ZFTRAF1: variants seen among roughly 807,000 people sequenced by gnomAD.
The protein encoded by ZFTRAF1 is zinc finger TRAF-type-containing protein 1.
chr8:144,459,674 C>T, the ZFTRAF1 span, among the ~76,000 whole-genome samples: 1 of 152,232 alleles, frequency 6.6e-6, no homozygotes, highest in Non-Finnish European at 1.5e-5. Context: ...GAGGACCCAG[C>T]CAATTCCAGA....
the ZFTRAF1 span, chr8:144,450,668 C>T: frequency 1.4e-6 from 1 of 717,860 alleles, no homozygotes; most frequent in Non-Finnish European, 2.6e-6. Context: ...GTCGTTGACT[C>T]GAGCCTTCAG....
the ZFTRAF1 span, among the ~76,000 whole-genome samples, chr8:144,458,352 T>C: frequency 1.3e-5 from 2 of 152,248 alleles, no homozygotes; most frequent in African/African-American, 4.8e-5. Context: ...TAGCCAGAGA[T>C]TCCAGAACAT....
chr8:144,460,540 G>A, the ZFTRAF1 span, among the ~76,000 whole-genome samples: 1 of 152,232 alleles, frequency 6.6e-6, no homozygotes, highest in South Asian at 2.1e-4. Flanking sequence ...CTGTTCCCCC[G>A]TGGCCTCACA....
chr8:144,452,286 G>T, the ZFTRAF1 span: 1 of 1,492,730 alleles, frequency 6.7e-7, no homozygotes, highest in Non-Finnish European at 9.0e-7. Flanking sequence ...AGAGCCTGCT[G>T]CCCCCAGACT....
the ZFTRAF1 span, chr8:144,450,789 C>A: frequency 1.5e-6 from 1 of 678,286 alleles, no homozygotes. Context: ...ACAGACAGGG[C>A]CGGAAAGAGC....
the ZFTRAF1 span, among the ~76,000 whole-genome samples, chr8:144,458,975 C>T: frequency 1.2e-4 from 19 of 152,360 alleles, no homozygotes; most frequent in African/African-American, 2.2e-4. Context: ...GGGAACAATG[C>T]GCAGTCCCTT....
chr8:144,461,026 A>G, the ZFTRAF1 span, among the ~76,000 whole-genome samples: 2 of 152,198 alleles, frequency 1.3e-5, no homozygotes, highest in East Asian at 3.8e-4. Context: ...GTGGCTCTGA[A>G]AAGTGCTCCC....
chr8:144,459,071 A>C, the ZFTRAF1 span, among the ~76,000 whole-genome samples: 4 of 152,208 alleles, frequency 2.6e-5, no homozygotes, highest in Non-Finnish European at 5.9e-5. Context: ...GCAGCATCAC[A>C]CTGGGCCTCG....
the ZFTRAF1 span, chr8:144,457,837 G>C: frequency 0.97 from 148,498 of 152,396 alleles, 72,467 homozygotes; most frequent in Middle Eastern, 1. Flanking sequence ...CCTCCTGTTT[G>C]CCACTGGAGG....
the ZFTRAF1 span, chr8:144,450,795 A>G: frequency 1.5e-6 from 1 of 677,872 alleles, no homozygotes; most frequent in Non-Finnish European, 2.8e-6. Flanking sequence ...AGGGCCGGAA[A>G]GAGCCGGCTG....
chr8:144,450,904 T>C, the ZFTRAF1 span: 1 of 597,540 alleles, frequency 1.7e-6, no homozygotes, highest in East Asian at 2.8e-5. Context: ...CGGGCTCTGC[T>C]TGTCACAAGC....
At chr8:144,452,985 A>G in the ZFTRAF1 span, among the ~76,000 whole-genome samples, 1 of 152,248 alleles carries the variant, frequency 6.6e-6, no homozygotes, top group African/African-American at 2.4e-5. Context: ...CCCCACAGCC[A>G]CAAAGAGCAC....
chr8:144,457,765 T>C, the ZFTRAF1 span: 4 of 152,218 alleles, frequency 2.6e-5, no homozygotes, highest in East Asian at 7.7e-4. Context: ...GTCTCTATGG[T>C]CAGCTGACCT....
At chr8:144,452,082 A>ATCT in the ZFTRAF1 span, 1 of 496,120 alleles carries the variant, frequency 2.0e-6, no homozygotes, top group Non-Finnish European at 3.7e-6. Context: ...GCCACCTTGC[A>ATCT]GGGATGGTGA....
the ZFTRAF1 span, chr8:144,455,813 G>A: frequency 2.0e-5 from 3 of 152,194 alleles, no homozygotes; most frequent in African/African-American, 7.2e-5. Context: ...GATTCGAGGT[G>A]GGGTCCTAGA....
At chr8:144,460,632 C>T in the ZFTRAF1 span, among the ~76,000 whole-genome samples, 3 of 152,260 alleles carry the variant, frequency 2.0e-5, no homozygotes, top group African/African-American at 4.8e-5. Flanking sequence ...CCTGTAATCT[C>T]AGCACTTCAG....
chr8:144,458,148 G>A, the ZFTRAF1 span, among the ~76,000 whole-genome samples: 404 of 152,322 alleles, frequency 2.7e-3, 1 homozygote, highest in Non-Finnish European at 4.8e-3. Context: ...GTCCAAGGCC[G>A]CACAGCTGTT....
At chr8:144,452,638 C>T in the ZFTRAF1 span, 2 of 1,396,794 alleles carry the variant, frequency 1.4e-6, no homozygotes, top group Non-Finnish European at 9.7e-7. Flanking sequence ...GCTGTCCTCC[C>T]ATATGGCTTC....
At chr8:144,462,042 G>C in the ZFTRAF1 span, among the ~76,000 whole-genome samples, 9 of 152,298 alleles carry the variant, frequency 5.9e-5, no homozygotes, top group South Asian at 1.2e-3. Context: ...AAGTACCGTG[G>C]ATCAGAAAAC....
Sources: gnomAD v4.1 joint callset for allele counts (sites outside exome capture counted in the v4.1 genomes callset) on GRCh38, gnomAD v4.1.1 for gene constraint, MANE v1.5 for transcripts, NCBI Gene and HGNC (gene_info 2026-07-23, HGNC 2026-07-21) for gene names.